Variants in SLC5A11 observed in about 807,000 individuals in gnomAD.
SLC5A11 encodes the protein sodium/myo-inositol cotransporter 2.
A neutral mutation model predicts 69.8 loss-of-function variants in SLC5A11; 48 were observed. The observed-to-expected ratio is 0.69, with a 90% confidence interval of 0.55 to 0.87. The LOEUF (loss-of-function observed/expected upper bound fraction) is 0.87, where lower values mean the gene tolerates loss of function less well. Among genes scored for constraint, SLC5A11 ranks in the 40% least tolerant of loss-of-function variants. SLC5A11 has a pLI of 0.00. For missense variants in SLC5A11, 784 were observed against 866.1 expected, an observed-to-expected ratio of 0.91 and a Z score of 1.19; for synonymous variants, 319 against 342.4, an observed-to-expected ratio of 0.93 and a Z score of 0.75.
chr16:24,909,109 T>C lies in SLC5A11; in HGVS notation c.1650+13T>C, dbSNP rs762475122. Reference sequence around the variant, plus strand: ...CTCCAAGGAGATGGTACATTTGGGCTGATGGCTAGATCCGTTGAGACTTTT... The same window carrying C: ...CTCCAAGGAGATGGTACATTTGGGCCGATGGCTAGATCCGTTGAGACTTTT... On this transcript the variant is annotated intron_variant, in intron 14 of 15. Coordinates refer to ENST00000347898, the Ensembl canonical transcript of SLC5A11. 6.2e-7 allele frequency: 1 copy of C among 1,613,046 alleles called. No individual in the cohort carries two copies. Among genetic ancestry groups the C allele is most frequent in the East Asian group, 2.2e-5 (1 of 44,882 alleles).
intron 8 of SLC5A11, among the ~76,000 whole-genome samples, chr16:24,889,591 C>T (rs914322828): frequency 1.1e-4 from 12 of 112,268 alleles, no homozygotes; most frequent in Non-Finnish European, 1.5e-4. Flanking sequence ...CTCGCTCTGT[C>T]ACGCAGGCTG....
intron 2 of SLC5A11, among the ~76,000 whole-genome samples, chr16:24,859,853 T>C (rs1390022819): frequency 2.6e-5 from 4 of 152,290 alleles, no homozygotes; most frequent in Non-Finnish European, 4.4e-5. Context: ...AACTATACTA[T>C]AATAAACAAA....
intron 10 of SLC5A11, among the ~76,000 whole-genome samples, chr16:24,906,176 A>C (rs965802386): frequency 6.6e-6 from 1 of 152,028 alleles, no homozygotes; most frequent in Non-Finnish European, 1.5e-5. Flanking sequence ...CCCCATCTCT[A>C]CTAAAAATAC....
Position 24,909,955 on chromosome 16 carries a change from C to G in SLC5A11, c.1651-351C>G, listed in dbSNP as rs974675980. On this transcript the variant is annotated intron_variant, in intron 14 of 15. Transcript: ENST00000347898. Reference sequence around the variant, plus strand: ...ACACATGCTCATCCGTGAACCAATTCAATCCCTGTGGCCAGAGAAACGGAT... The same window carrying G: ...ACACATGCTCATCCGTGAACCAATTGAATCCCTGTGGCCAGAGAAACGGAT... Among the ~76,000 whole-genome samples the G allele has an allele frequency of 3.3e-5, 5 of 151,802 alleles. No individual in the cohort carries two copies. In the South Asian group the frequency reaches 1.0e-3, roughly 32 times the overall value.
chr16:24,875,177 G>T (rs1259249625), intron 5 of SLC5A11, among the ~76,000 whole-genome samples: 1 of 151,998 alleles, frequency 6.6e-6, no homozygotes, highest in Non-Finnish European at 1.5e-5. Context: ...ATTTGTTTTT[G>T]TCTACCATAT....
chr16:24,860,700 TTTTTTTG>T (rs978721769), intron 2 of SLC5A11, among the ~76,000 whole-genome samples: 1 of 151,976 alleles, frequency 6.6e-6, no homozygotes, highest in Admixed American at 6.6e-5. Flanking sequence ...ATCTCAAAGT[TTTTTTTG>T]TTTTTTGTTT....
intron 4 of SLC5A11, 39 bp from the exon 6 acceptor site, chr16:24,872,121 G>A (rs371862696): frequency 1.4e-5 from 22 of 1,613,846 alleles, no homozygotes; most frequent in Non-Finnish European, 1.8e-5. Flanking sequence ...ACCTTGTTGT[G>A]AGCTGGGGGC....
intron 7 of SLC5A11, among the ~76,000 whole-genome samples, chr16:24,879,391 C>A (rs565141655): frequency 2.6e-5 from 4 of 152,208 alleles, no homozygotes; most frequent in Admixed American, 1.3e-4. Context: ...GTCCCCAATT[C>A]CCTTATTCAA....
chr16:24,881,152 T>A (rs936266848), intron 7 of SLC5A11, among the ~76,000 whole-genome samples: 6 of 151,362 alleles, frequency 4.0e-5, no homozygotes, highest in Non-Finnish European at 7.4e-5. Context: ...GCTGCAGTGA[T>A]CTGAGATCGT....
chr16:24,875,829 C>G (rs935673081), intron 6 of SLC5A11, 98 bp downstream of exon 7: 207 of 958,752 alleles, frequency 2.2e-4, no homozygotes, highest in Non-Finnish European at 3.0e-4. Flanking sequence ...TCCCCTTTCT[C>G]CTCGTCTTTC....
intron 9 of SLC5A11, among the ~76,000 whole-genome samples, chr16:24,892,435 C>A (rs2048874161): frequency 7.6e-6 from 1 of 131,576 alleles, no homozygotes; most frequent in African/African-American, 3.0e-5. Flanking sequence ...ACAAGAAGTC[C>A]TTTTGTGTTA....
At chr16:24,850,889 C>A (rs1357360417) in intron 1 of SLC5A11, among the ~76,000 whole-genome samples, 2 of 151,912 alleles carry the variant, frequency 1.3e-5, no homozygotes, top group African/African-American at 4.8e-5. Context: ...CAGCTCACTG[C>A]AACCTCCACC....
intron 3 of SLC5A11, among the ~76,000 whole-genome samples, chr16:24,869,579 G>A (rs780484026): frequency 6.6e-6 from 1 of 151,888 alleles, no homozygotes; most frequent in Admixed American, 6.6e-5. Context: ...CTTCTTTCCC[G>A]ACCCCCGACC....
At chr16:24,888,609 A>C (rs1191459836) in intron 8 of SLC5A11, among the ~76,000 whole-genome samples, 2 of 143,598 alleles carry the variant, frequency 1.4e-5, no homozygotes, top group Non-Finnish European at 3.0e-5. Flanking sequence ...TCAGCCTCCC[A>C]AGTAGCTGGG....
rs2048769397 is a variant in SLC5A11, at chr16:24,891,079, A to G, written c.870+5A>G. The G allele has an allele frequency of 6.2e-7, 1 of 1,611,792 alleles. No individual in the cohort carries two copies. Among genetic ancestry groups the G allele is most frequent in the Admixed American group, 1.7e-5 (1 of 59,968 alleles). On this transcript the variant is annotated splice_donor_5th_base_variant and intron_variant, in intron 9 of 15. Transcript: ENST00000347898. ...TGGTACTGGTGCACGGATCAGGTAC[A>G]GGACAGTGGCCTGAGCAAGTTTTTC...
At chr16:24,902,921 G>A (rs1034833977) in intron 10 of SLC5A11, among the ~76,000 whole-genome samples, 9 of 152,162 alleles carry the variant, frequency 5.9e-5, no homozygotes, top group African/African-American at 2.2e-4. Flanking sequence ...TCATACTCAT[G>A]GAAAAATAAC....
chr16:24,871,518 T>G (rs975884337), intron 4 of SLC5A11, among the ~76,000 whole-genome samples: 2 of 152,108 alleles, frequency 1.3e-5, no homozygotes, highest in Non-Finnish European at 2.9e-5. Context: ...AGCGATCCAC[T>G]GGCTTCTGCC....
At chr16:24,887,888 G>A (rs1367955299) in intron 8 of SLC5A11, among the ~76,000 whole-genome samples, 1 of 152,020 alleles carries the variant, frequency 6.6e-6, no homozygotes, top group Non-Finnish European at 1.5e-5. Flanking sequence ...ATTTTATATT[G>A]AAAATAGAAA....
intron 2 of SLC5A11, among the ~76,000 whole-genome samples, chr16:24,860,733 A>G (rs933441765): frequency 6.6e-5 from 10 of 151,698 alleles, no homozygotes; most frequent in African/African-American, 2.4e-4. Context: ...TTTGAGACGG[A>G]GTCTTGCTGT....
Sources: allele counts gnomAD v4.1 joint callset (sites outside exome capture counted in the v4.1 genomes callset), GRCh38; gene constraint gnomAD v4.1.1; transcripts MANE v1.5; gene names NCBI Gene and HGNC (gene_info 2026-07-23, HGNC 2026-07-21).